The following ZNF596 variants were observed in gnomAD, a reference collection of about 807,000 sequenced individuals.
ZNF596 encodes zinc finger protein 596.
ZNF596 carries 45 observed loss-of-function variants against 48.3 expected under a neutral mutation model. The observed-to-expected ratio is 0.93, with a 90% confidence interval of 0.73 to 1.19. The LOEUF (loss-of-function observed/expected upper bound fraction) is 1.19. ZNF596 is among the 50% of genes most tolerant of loss of function. The pLI, the probability that ZNF596 is intolerant of heterozygous loss-of-function variation, is 0.00. For synonymous variants in ZNF596, 270 were observed against 202.0 expected (o/e 1.34, Z -2.85); for missense variants, 848 against 599.7 (o/e 1.41, Z -4.32).
rs1797086246 is a variant in ZNF596, at chr8:246,294, G to T, written c.1447G>T (p.Ala483Ser). ...ATATGTATGTCCTCTATGTGGGAAAGCCTTTAGTAAATTTTTTAACCTTAG... is the reference window on the plus strand; with the variant it reads ...ATATGTATGTCCTCTATGTGGGAAATCCTTTAGTAAATTTTTTAACCTTAG... ...KPYVCPLCGK[A>S]FSKFFNLRQH... The change falls in exon 6 of 6, where the codon GCC becomes TCC. Residue 483 changes from alanine (A) to serine (S), a missense_variant. By Grantham distance (99) the Ala-to-Ser change is moderately conservative (BLOSUM62 1). Transcript: ENST00000398612. 6.2e-7 allele frequency: 1 copy of T among 1,607,002 alleles called. No individual in the cohort carries two copies. The highest frequency in any genetic ancestry group is 8.5e-7 in the Non-Finnish European group (1 of 1,178,096).
chr8:246,247 G>C lies in ZNF596; in HGVS notation c.1400G>C (p.Arg467Thr). ...NRSYNFRLHR[R>T]VHTGEKPYVC... Reference sequence around the variant, plus strand: ...AGTTACAACTTTAGACTTCATAGAAGAGTTCACACTGGAGAGAAACCATAT... The same window carrying C: ...AGTTACAACTTTAGACTTCATAGAACAGTTCACACTGGAGAGAAACCATAT... Residue 467 changes from arginine to threonine, a missense_variant, in exon 6 of 6, where the codon AGA (arginine) becomes ACA (threonine). Coordinates refer to ENST00000398612, the MANE Select transcript of ZNF596 (RefSeq NM_001042416.3). 1 of 1,612,474 alleles carries C rather than the reference G, an allele frequency of 6.2e-7. No homozygotes were observed.
Position 246,582 on chromosome 8 carries a change from A to G in ZNF596, c.*220A>G, listed in dbSNP as rs1243139235. The G allele has an allele frequency of 2.1e-6, 1 of 472,154 alleles. No homozygotes were observed. The highest frequency in any genetic ancestry group is 3.6e-6 in the Non-Finnish European group (1 of 278,790). 29.2% of individuals were successfully genotyped at this position (472,154 alleles called of 1,614,324 possible). On this transcript the variant is annotated 3_prime_UTR_variant, in exon 6 of 6. Coordinates refer to ENST00000398612, the MANE Select transcript of ZNF596 (RefSeq NM_001042416.3). Reference sequence around the variant, plus strand: ...ACAACGTGAGAGAATGAAACTATAGATCAAAGGAATGTGGAGGAGTCTTCA... The same window carrying G: ...ACAACGTGAGAGAATGAAACTATAGGTCAAAGGAATGTGGAGGAGTCTTCA...
At chr8:235,051 G>A (rs985801979) in intron 1 of ZNF596, among the ~76,000 whole-genome samples, 42 of 152,250 alleles carry the variant, frequency 2.8e-4, no homozygotes, top group African/African-American at 9.9e-4. Flanking sequence ...TATTGATCTG[G>A]CCACAAAATA....
intron 2 of ZNF596, among the ~76,000 whole-genome samples, chr8:241,597 T>C (rs998578437): frequency 6.6e-6 from 1 of 152,170 alleles, no homozygotes; most frequent in Non-Finnish European, 1.5e-5. Context: ...CATTAAGTGA[T>C]GGAGTATAGG....
At chr8:235,593 T>C (rs1208534314) in intron 1 of ZNF596, among the ~76,000 whole-genome samples, 2 of 152,242 alleles carry the variant, frequency 1.3e-5, no homozygotes, top group East Asian at 3.8e-4. Flanking sequence ...AAAATGAATT[T>C]TTCTATGAAA....
intron 1 of ZNF596, among the ~76,000 whole-genome samples, chr8:239,639 T>C (rs182210332): frequency 2.0e-5 from 3 of 152,338 alleles, no homozygotes; most frequent in African/African-American, 7.2e-5. Flanking sequence ...CAGCAAGTTT[T>C]GGAAGCATCT....
Position 246,247 on chromosome 8 carries a change from G to A in ZNF596, c.1400G>A (p.Arg467Lys), listed in dbSNP as rs1017183030. ...AGTTACAACTTTAGACTTCATAGAA[G>A]AGTTCACACTGGAGAGAAACCATAT... ...NRSYNFRLHR[R>K]VHTGEKPYVC... The change falls in exon 6 of 6, where the codon AGA becomes AAA. Residue 467 changes from arginine (R) to lysine (K), a missense_variant. Coordinates refer to ENST00000398612, the MANE Select transcript of ZNF596 (RefSeq NM_001042416.3). The A allele has an allele frequency of 1.2e-6, 2 of 1,612,474 alleles. No homozygotes were observed. Among genetic ancestry groups the A allele is most frequent in the South Asian group, 1.1e-5 (1 of 90,868 alleles).
At chr8:234,828 G>C (rs774036535) in intron 1 of ZNF596, 4 of 152,188 alleles carry the variant, frequency 2.6e-5, no homozygotes, top group Non-Finnish European at 5.9e-5. Context: ...ATTATAGATG[G>C]GAAGTGGGCC....
At chr8:244,943 CAGAT>C (rs1797002603) in intron 5 of ZNF596, among the ~76,000 whole-genome samples, 1 of 152,024 alleles carries the variant, frequency 6.6e-6, no homozygotes, top group Non-Finnish European at 1.5e-5. Context: ...AATAACTAGT[CAGAT>C]AGCTCTTCAG....
At chr8:243,099 G>A (rs151213399) in intron 3 of ZNF596, 86 bp downstream of exon 3, 16 of 1,328,014 alleles carry the variant, frequency 1.2e-5, no homozygotes, top group African/African-American at 4.4e-5. Context: ...CATTCTACAC[G>A]TGCTTAGAAC....
chr8:246,352 T>C lies in ZNF596; in HGVS notation c.1505T>C (p.Met502Thr), dbSNP rs1475882877. Residue 502 changes from methionine to threonine, a missense_variant, in exon 6 of 6, where the codon ATG becomes ACG. Coordinates refer to ENST00000398612, the MANE Select transcript of ZNF596 (RefSeq NM_001042416.3). ...GAGAGAACTCACACTAAAAAAGCAATGAATATGTAAGAATCATCAGCTGTA... is the reference window on the plus strand; with the variant it reads ...GAGAGAACTCACACTAAAAAAGCAACGAATATGTAAGAATCATCAGCTGTA... ...QHERTHTKKA[M>T]NM The C allele has an allele frequency of 3.2e-6, 5 of 1,583,180 alleles. No individual in the cohort carries two copies. Among genetic ancestry groups the C allele is most frequent in the South Asian group, 1.2e-5 (1 of 85,302 alleles).
At chr8:242,667 A>G (rs1052414380) in intron 2 of ZNF596, among the ~76,000 whole-genome samples, 7 of 152,306 alleles carry the variant, frequency 4.6e-5, no homozygotes, top group Admixed American at 6.5e-5. Flanking sequence ...ATTATGCCAC[A>G]CCACATGTGA....
chr8:245,034 AT>A, intron 5 of ZNF596, 119 bp from the exon 6 acceptor site: 1 of 1,234,394 alleles, frequency 8.1e-7, no homozygotes. Flanking sequence ...TATAGGAACA[AT>A]TGTAACTGGA....
chr8:242,249 C>A (rs1399775380), intron 2 of ZNF596, among the ~76,000 whole-genome samples: 2 of 149,576 alleles, frequency 1.3e-5, no homozygotes, highest in South Asian at 2.1e-4. Context: ...ACAGTGAACA[C>A]CTGAGTTGTG....
intron 3 of ZNF596, 174 bp from the exon 4 acceptor site, chr8:243,548 T>G: frequency 1.9e-6 from 1 of 529,946 alleles, no homozygotes; most frequent in East Asian, 3.2e-5. Flanking sequence ...GGGAACAAGT[T>G]CAAGAGTTTT....
intron 2 of ZNF596, among the ~76,000 whole-genome samples, chr8:242,673 T>G (rs1441562362): frequency 6.6e-6 from 1 of 152,198 alleles, no homozygotes; most frequent in Non-Finnish European, 1.5e-5. Flanking sequence ...CCACACCACA[T>G]GTGATATTTC....
In ZNF596 at chr8:246,272, T is replaced by C. The variant is rs1335228056; in HGVS notation, c.1425T>C (p.Tyr475=). The C allele has an allele frequency of 6.2e-7, 1 of 1,612,632 alleles. No homozygotes were observed. Among genetic ancestry groups the C allele is most frequent in the African/African-American group, 1.3e-5 (1 of 74,862 alleles). The change falls in exon 6 of 6, where the codon TAT becomes TAC. Residue 475 remains tyrosine, a synonymous_variant. Transcript: ENST00000398612. The part of the protein sequence containing the change: ...HRRVHTGEKP[Y]VCPLCGKAFS... ...GAGTTCACACTGGAGAGAAACCATA[T>C]GTATGTCCTCTATGTGGGAAAGCCT...
intron 1 of ZNF596, among the ~76,000 whole-genome samples, chr8:238,037 C>A (rs1239997359): frequency 3.3e-5 from 5 of 152,194 alleles, no homozygotes; most frequent in Admixed American, 2.0e-4. Context: ...CCTTGGAGGA[C>A]TTAGAGAATC....
intron 1 of ZNF596, among the ~76,000 whole-genome samples, chr8:239,797 C>T (rs1796775332): frequency 6.6e-6 from 1 of 152,116 alleles, no homozygotes; most frequent in South Asian, 2.1e-4. Context: ...TTGTTATTAA[C>T]TCGATCTCCA....
Sources: allele counts gnomAD v4.1 joint callset (sites outside exome capture counted in the v4.1 genomes callset), GRCh38; gene constraint gnomAD v4.1.1; transcripts MANE v1.5; gene names NCBI Gene and HGNC (gene_info 2026-07-23, HGNC 2026-07-21).